The following ACYP2 variants were observed in gnomAD, a reference collection of about 807,000 sequenced individuals.
ACYP2 encodes the protein acylphosphatase-2.
ACYP2 carries 12 observed loss-of-function variants against 11.2 expected under a neutral mutation model. That is an observed-to-expected ratio of 1.08 (90% confidence interval 0.69 to 1.74). The LOEUF is 1.74. Among genes scored for constraint, ACYP2 ranks in the 40% most tolerant of loss-of-function variants. ACYP2 has a pLI of 0.00. For synonymous variants in ACYP2, 43 were observed against 32.2 expected (o/e 1.33, Z -1.13); for missense variants, 134 against 101.9 (o/e 1.31, Z -1.35).
intron 6 of ACYP2, among the ~76,000 whole-genome samples, chr2:54,165,535 TCACACACACACA>T (rs1163844895): frequency 0.021 from 2,687 of 128,950 alleles, 44 homozygotes; most frequent in Middle Eastern, 0.054. Context: ...TCTCTCTCTC[TCACACACACACA>T]CACACACACA....
At chr2:54,264,242 C>T (rs909937625) in intron 6 of ACYP2, among the ~76,000 whole-genome samples, 6 of 152,022 alleles carry the variant, frequency 3.9e-5, no homozygotes, top group Admixed American at 6.6e-5. Flanking sequence ...AAAGGTAGTG[C>T]GGACCCAAAG....
At chr2:54,032,206 C>T (rs1051948220) in intron 2 of ACYP2, among the ~76,000 whole-genome samples, 2 of 152,168 alleles carry the variant, frequency 1.3e-5, no homozygotes, top group African/African-American at 4.8e-5. Context: ...TTGCCCATGC[C>T]TATGTCCTGA....
intron 2 of ACYP2, among the ~76,000 whole-genome samples, chr2:53,985,124 C>T (rs1244910437): frequency 2.0e-5 from 3 of 149,274 alleles, no homozygotes; most frequent in African/African-American, 5.0e-5. Flanking sequence ...GGCTGGAGCA[C>T]AGTGGCGCAA....
At chr2:54,189,905 G>A (rs1244461757) in intron 6 of ACYP2, among the ~76,000 whole-genome samples, 1 of 152,132 alleles carries the variant, frequency 6.6e-6, no homozygotes, top group African/African-American at 2.4e-5. Context: ...CCTAATGGGT[G>A]TGAGATGGTA....
intron 6 of ACYP2, among the ~76,000 whole-genome samples, chr2:54,239,692 G>A (rs1458684955): frequency 6.6e-6 from 1 of 152,152 alleles, no homozygotes; most frequent in Non-Finnish European, 1.5e-5. Context: ...AAAGGGCACA[G>A]CATCATCACA....
chr2:54,287,570 G>T (rs777363484), intron 6 of ACYP2, among the ~76,000 whole-genome samples: 2 of 151,918 alleles, frequency 1.3e-5, no homozygotes, highest in Non-Finnish European at 2.9e-5. Context: ...TACAGTTTCT[G>T]CCTGGCTCTA....
intron 2 of ACYP2, among the ~76,000 whole-genome samples, chr2:54,019,966 G>A (rs893611416): frequency 2.0e-5 from 3 of 151,288 alleles, no homozygotes; most frequent in Admixed American, 6.6e-5. Flanking sequence ...TTTTTGAGAC[G>A]GAATCTCACT....
chr2:54,092,338 C>A (rs188008848), intron 4 of ACYP2, among the ~76,000 whole-genome samples: 1 of 152,264 alleles, frequency 6.6e-6, no homozygotes, highest in Non-Finnish European at 1.5e-5. Context: ...ATTTCTGCTT[C>A]ATGGTGGGAC....
intron 6 of ACYP2, among the ~76,000 whole-genome samples, chr2:54,288,338 G>A (rs1017229165): frequency 1.3e-5 from 2 of 151,910 alleles, no homozygotes; most frequent in Non-Finnish European, 2.9e-5. Context: ...TCATTAACTT[G>A]TCTGAGGTAG....
chr2:54,187,498 A>C (rs1684063478), intron 6 of ACYP2, among the ~76,000 whole-genome samples: 1 of 152,196 alleles, frequency 6.6e-6, no homozygotes, highest in Non-Finnish European at 1.5e-5. Flanking sequence ...CTGCTTGCGA[A>C]AGGGCTGAGT....
chr2:54,110,704 G>A (rs896486061), intron 4 of ACYP2, among the ~76,000 whole-genome samples: 7 of 152,094 alleles, frequency 4.6e-5, no homozygotes, highest in Non-Finnish European at 8.8e-5. Context: ...GGGAAATGCA[G>A]TAGGGAACTG....
chr2:54,266,242 A>G (rs1287255786), intron 6 of ACYP2, among the ~76,000 whole-genome samples: 3 of 152,250 alleles, frequency 2.0e-5, no homozygotes, highest in Non-Finnish European at 2.9e-5. Flanking sequence ...ACTGGATAAA[A>G]TATGAGTAAA....
At chr2:54,014,798 C>G (rs1673589563) in intron 2 of ACYP2, among the ~76,000 whole-genome samples, 1 of 151,156 alleles carries the variant, frequency 6.6e-6, no homozygotes, top group South Asian at 2.1e-4. Context: ...CTTGCTCTGT[C>G]CCCTGGGCTG....
chr2:54,033,517 C>G (rs1674705905), intron 2 of ACYP2, among the ~76,000 whole-genome samples: 2 of 152,012 alleles, frequency 1.3e-5, no homozygotes, highest in South Asian at 2.1e-4. Flanking sequence ...CTGGCCTATC[C>G]ACACATTTCT....
intron 4 of ACYP2, among the ~76,000 whole-genome samples, chr2:54,077,012 C>G (rs1677377389): frequency 6.6e-6 from 1 of 152,150 alleles, no homozygotes; most frequent in South Asian, 2.1e-4. Context: ...AAAACACATA[C>G]ACATATAAAT....
At chr2:54,238,340 C>T (rs1489435482) in intron 6 of ACYP2, among the ~76,000 whole-genome samples, 1 of 151,872 alleles carries the variant, frequency 6.6e-6, no homozygotes, top group Non-Finnish European at 1.5e-5. Flanking sequence ...ACAGTTGTAT[C>T]CCATCCCCTG....
In ACYP2 at chr2:54,256,011, G is replaced by C. The variant is rs755328452; in HGVS notation, c.405-48677G>C. 11 of 1,614,128 alleles carry C rather than the reference G, an allele frequency of 6.8e-6. No homozygotes were observed. The South Asian group carries it at 1.1e-4, about 16-fold the overall frequency. On this transcript the variant is annotated intron_variant, in intron 6 of 6. Transcript: ENST00000607452. ...CTGGAAGCCGGGGCGGTGGGAACAC[G>C]ATTGGCTCCAAGCGGCCATCAAACA...
At chr2:54,128,225 G>T (rs910339049) in intron 4 of ACYP2, among the ~76,000 whole-genome samples, 13 of 152,180 alleles carry the variant, frequency 8.5e-5, no homozygotes, top group Non-Finnish European at 1.6e-4. Context: ...TTGTTAGATT[G>T]GGTGGTTTAA....
chr2:54,188,791 A>G (rs1684117657), intron 6 of ACYP2, among the ~76,000 whole-genome samples: 1 of 152,126 alleles, frequency 6.6e-6, no homozygotes, highest in Non-Finnish European at 1.5e-5. Context: ...TCATTTTAAC[A>G]AGATCCCCAG....
Sources: allele counts gnomAD v4.1 joint callset (sites outside exome capture counted in the v4.1 genomes callset), GRCh38; gene constraint gnomAD v4.1.1; transcripts MANE v1.5; gene names NCBI Gene and HGNC (gene_info 2026-07-23, HGNC 2026-07-21).